Variants in PPP6R2 observed in about 807,000 individuals in gnomAD.
PPP6R2 encodes the protein serine/threonine-protein phosphatase 6 regulatory subunit 2.
A neutral mutation model predicts 100.2 loss-of-function variants in PPP6R2; 62 were observed. The ratio of observed to expected loss-of-function variants is 0.62; its 90% CI spans 0.50 to 0.76. PPP6R2 has a LOEUF of 0.76. Ranked by LOEUF, PPP6R2 falls within the 30% of genes least tolerant of loss-of-function variation. The pLI is 0.00. For missense variants in PPP6R2, 1,142 were observed against 1,276.3 expected (o/e 0.89, Z 1.60); for synonymous variants, 525 against 514.7 (o/e 1.02, Z -0.27).
intron 2 of PPP6R2, among the ~76,000 whole-genome samples, chr22:50,372,419 T>C (rs2050414616): frequency 6.6e-6 from 1 of 151,862 alleles, no homozygotes; most frequent in Non-Finnish European, 1.5e-5. Flanking sequence ...CATAGTGGTG[T>C]GTACCTGTAA....
intron 3 of PPP6R2, among the ~76,000 whole-genome samples, chr22:50,401,914 G>A (rs999860754): frequency 7.9e-5 from 12 of 152,332 alleles, no homozygotes; most frequent in Non-Finnish European, 1.2e-4. Flanking sequence ...GGTTACAGGC[G>A]TGAGCCACCA....
chr22:50,443,650 T>G lies in PPP6R2; in HGVS notation c.2580-216T>G. On this transcript the variant is annotated intron_variant, in intron 22 of 23. Coordinates refer to ENST00000612753, the MANE Select transcript of PPP6R2 (RefSeq NM_001242898.2). ...CCTGGAGGAGGTTTGAGGTCATCAA[T>G]GGACAGGCAGCTTGTCCCAGTACTT... 4.8e-6 allele frequency: 3 copies of G among 626,500 alleles called. No individual in the cohort carries two copies. The South Asian group carries it at 6.2e-5, about 13-fold the overall frequency. 38.8% of individuals were successfully genotyped at this position (626,500 alleles called of 1,614,324 possible). A position where few individuals can be genotyped will look rare whatever the true frequency, so the allele number is the denominator to read the frequency against.
chr22:50,388,298 G>A (rs564801894), intron 2 of PPP6R2, among the ~76,000 whole-genome samples: 2 of 151,882 alleles, frequency 1.3e-5, no homozygotes, highest in African/African-American at 4.8e-5. Flanking sequence ...GGAGGCTGAG[G>A]AGGGAGGATC....
chr22:50,371,645 T>C (rs1445732583), intron 1 of PPP6R2, among the ~76,000 whole-genome samples: 2 of 134,184 alleles, frequency 1.5e-5, no homozygotes, highest in Non-Finnish European at 3.2e-5. Context: ...AATTTTGTAA[T>C]TGCTTTTTTT....
At chr22:50,395,958 G>A (rs1012665380) in intron 3 of PPP6R2, among the ~76,000 whole-genome samples, 3 of 151,486 alleles carry the variant, frequency 2.0e-5, no homozygotes, top group Non-Finnish European at 2.9e-5. Context: ...ACTTTGGGAG[G>A]CCAAGGCGGG....
rs1236766660 is a variant in PPP6R2, at chr22:50,431,533, G to T, written c.1335+151G>T. On this transcript the variant is annotated intron_variant, in intron 11 of 23. Transcript: ENST00000612753. The surrounding 1 kb of genome is among the most constrained non-coding windows in gnomAD (Gnocchi z 4.8). ...TCCCCAGGTGTCTGGTCAGACGCTC[G>T]TAGACAGTGGGGCTTGAGTGGGTCT... 1.4e-6 allele frequency: 1 copy of T among 689,964 alleles called. No homozygotes were observed. The allele number at this position is 689,964 out of a possible 1,614,324, so 42.7% of individuals were successfully genotyped here. A position where few individuals can be genotyped will look rare whatever the true frequency, so the allele number is the denominator to read the frequency against.
chr22:50,379,922 T>TAA (rs2052502576), intron 2 of PPP6R2, among the ~76,000 whole-genome samples: 1 of 151,952 alleles, frequency 6.6e-6, no homozygotes, highest in Non-Finnish European at 1.5e-5. Context: ...ATCTATGGGG[T>TAA]AAAATCAAGG....
chr22:50,370,493 T>G (rs1389926826), intron 1 of PPP6R2, among the ~76,000 whole-genome samples: 4 of 151,728 alleles, frequency 2.6e-5, no homozygotes, highest in Non-Finnish European at 5.9e-5. Flanking sequence ...TTCACTATGT[T>G]GGCCAGACTG....
intron 1 of PPP6R2, among the ~76,000 whole-genome samples, chr22:50,352,654 G>A (rs112889313): frequency 1.3e-5 from 2 of 151,604 alleles, no homozygotes; most frequent in Non-Finnish European, 2.9e-5. Flanking sequence ...GAACCAAGGA[G>A]GTGGAAGTTG....
At chr22:50,416,294 CT>C in intron 6 of PPP6R2, 137 bp downstream of exon 6, 1 of 680,460 alleles carries the variant, frequency 1.5e-6, no homozygotes, top group Non-Finnish European at 2.4e-6. Context: ...ACTTTTCTTT[CT>C]TTAATCAAGC....
At chr22:50,381,907 C>CA (rs369812450) in intron 2 of PPP6R2, among the ~76,000 whole-genome samples, 29,755 of 95,334 alleles carry the variant, frequency 0.31, 3,309 homozygotes, top group South Asian at 0.51. Context: ...GACTCCGTCT[C>CA]AAAAAAAAAA....
intron 3 of PPP6R2, among the ~76,000 whole-genome samples, chr22:50,399,904 G>C (rs2057743501): frequency 6.6e-6 from 1 of 152,240 alleles, no homozygotes; most frequent in South Asian, 2.1e-4. Context: ...CTAGAGCCTG[G>C]GGATGCTCCT....
In PPP6R2 at chr22:50,431,450, G is replaced by T; in HGVS notation, c.1335+68G>T. ...CCACTCAGACCGTGTCCATGTCAGC[G>T]CTGACGTGTGCCGGACCTCACTGTG... On this transcript the variant is annotated intron_variant, in intron 11 of 23. Coordinates refer to ENST00000612753, the MANE Select transcript of PPP6R2 (RefSeq NM_001242898.2). The surrounding 1 kb of genome is among the most constrained non-coding windows in gnomAD (Gnocchi z 4.8). 7.1e-7 allele frequency: 1 copy of T among 1,404,520 alleles called. No individual in the cohort carries two copies. The highest frequency in any genetic ancestry group is 1.2e-5 in the South Asian group (1 of 81,996). 87.0% of individuals were successfully genotyped at this position (1,404,520 alleles called of 1,614,324 possible).
chr22:50,436,045 G>A (rs1243157408), intron 13 of PPP6R2, among the ~76,000 whole-genome samples: 3 of 152,304 alleles, frequency 2.0e-5, no homozygotes, highest in East Asian at 3.9e-4. Flanking sequence ...CTGCGTTTCT[G>A]GGAGTTCCTC....
the PPP6R2 span, among the ~76,000 whole-genome samples, chr22:50,336,790 C>G: frequency 1.3e-5 from 2 of 151,364 alleles, no homozygotes; most frequent in African/African-American, 4.9e-5. Flanking sequence ...CACTGCAGCC[C>G]CGACCTCCAG....
chr22:50,392,014 A>G (rs1022796120), intron 2 of PPP6R2: 1 of 151,676 alleles, frequency 6.6e-6, no homozygotes, highest in Non-Finnish European at 1.5e-5. Flanking sequence ...TGTGTCATCC[A>G]AGTACGTGAG....
At chr22:50,340,220 GTGTGTATGGTA>G (rs1343479702), upstream of PPP6R2, among the ~76,000 whole-genome samples, 38 of 89,418 alleles carry the variant, frequency 4.2e-4, no homozygotes, top group Admixed American at 6.6e-4. Context: ...GTGGTATGTG[GTGTGTATGGTA>G]TGTGGTGTGT....
intron 13 of PPP6R2, 119 bp from the exon 14 acceptor site, chr22:50,436,248 G>A: frequency 1.2e-6 from 1 of 848,204 alleles, no homozygotes; most frequent in East Asian, 2.7e-5. Context: ...CAGACGGGCT[G>A]ACCACAGTAG....
At chr22:50,341,447 T>C (rs2042377550), upstream of PPP6R2, among the ~76,000 whole-genome samples, 1 of 151,064 alleles carries the variant, frequency 6.6e-6, no homozygotes, top group African/African-American at 2.4e-5. Flanking sequence ...CCAGCGATCC[T>C]CCTGCCTAGG....
Sources: gnomAD v4.1 joint callset for allele counts (sites outside exome capture counted in the v4.1 genomes callset) on GRCh38, gnomAD v4.1.1 for gene constraint, Gnocchi (gnomAD v3.1) non-coding constraint, MANE v1.5 for transcripts, NCBI Gene and HGNC (gene_info 2026-07-23, HGNC 2026-07-21) for gene names.